The following COL16A1 variants were observed in gnomAD, a reference collection of about 807,000 sequenced individuals.
COL16A1 encodes collagen alpha-1(XVI) chain.
Under a neutral mutation model 266.3 loss-of-function variants are expected in COL16A1, and 189 were observed. That is an observed-to-expected ratio of 0.71 (90% CI 0.63 to 0.80). The LOEUF is 0.80. COL16A1 is among the 30% of genes least tolerant of loss of function. The pLI is 0.00. For missense variants in COL16A1, 1,928 were observed against 2,122.4 expected (o/e 0.91, Z 1.80); for synonymous variants, 740 against 782.3 (o/e 0.95, Z 0.90).
intron 22 of COL16A1, 29 bp from the exon 23 acceptor site, chr1:31,689,880 C>G (rs1644177119): frequency 6.2e-7 from 1 of 1,603,078 alleles, no homozygotes; most frequent in Non-Finnish European, 8.5e-7. Flanking sequence ...AGTATGTGGA[C>G]AGGGTGGGGC....
chr1:31,695,536 G>A (rs1463358520), intron 10 of COL16A1, among the ~76,000 whole-genome samples: 1 of 152,128 alleles, frequency 6.6e-6, no homozygotes, highest in Non-Finnish European at 1.5e-5. Context: ...TCCCCATGAT[G>A]CCCGTGGCCA....
Position 31,667,587 on chromosome 1 carries a change from C to T in COL16A1, c.3345G>A (p.Glu1115=), listed in dbSNP as rs1642245797. The change falls in exon 52 of 71, where the codon GAG becomes GAA. Residue 1115 remains glutamate, a synonymous_variant. Coordinates refer to ENST00000373672, the MANE Select transcript of COL16A1 (RefSeq NM_001856.4). The stretch of plus-strand genomic sequence containing the variant: ...CGCTGGGACTCACCGGCTCTCCTTT[C>T]TCTCCCGCTGACCCGGTGTAGCCAC... ...GERGYTGSAG[E]KGEPGPPGSE... is the part of the protein sequence containing the mutation. 3 of 1,600,784 alleles carry T rather than the reference C, an allele frequency of 1.9e-6. No homozygotes were observed. Among genetic ancestry groups the T allele is most frequent in the Non-Finnish European group, 2.6e-6 (3 of 1,174,492 alleles).
chr1:31,700,079 T>C lies in COL16A1; in HGVS notation c.110A>G (p.Lys37Arg). The C allele has an allele frequency of 6.2e-7, 1 of 1,614,118 alleles. No individual in the cohort carries two copies. Among genetic ancestry groups the C allele is most frequent in the Non-Finnish European group, 8.5e-7 (1 of 1,180,014 alleles). The change falls in exon 3 of 71, where the codon AAA becomes AGA. Residue 37 changes from lysine (K) to arginine (R), a missense_variant. By Grantham distance (26) the Lys-to-Arg change is conservative. Coordinates refer to ENST00000373672, the MANE Select transcript of COL16A1 (RefSeq NM_001856.4). ...TGGCAGGCTACTACTGTGTTCCAAT[T>C]TGAGTCCTTCCTGCTGTGAAGGTGG... ...QCPPSQQEGL[K>R]LEHSSSLPAN...
intron 1 of COL16A1, among the ~76,000 whole-genome samples, chr1:31,703,153 A>G (rs1219748975): frequency 6.6e-6 from 1 of 152,172 alleles, no homozygotes; most frequent in Non-Finnish European, 1.5e-5. Context: ...GCTCGCTGAT[A>G]TACCCAGACA....
chr1:31,661,709 G>C lies in COL16A1; in HGVS notation c.3682-5C>G. The stretch of plus-strand genomic sequence containing the variant: ...GCCAGCAGGACCAGGGTCCCCCTAG[G>C]GAAAGAGACGAGGAGGATTGAGACA... On this transcript the variant is annotated splice_polypyrimidine_tract_variant and splice_region_variant and intron_variant, in intron 58 of 70. Coordinates refer to ENST00000373672, the MANE Select transcript of COL16A1 (RefSeq NM_001856.4). 1 of 1,595,746 alleles carries C rather than the reference G, an allele frequency of 6.3e-7. No individual in the cohort carries two copies. Among genetic ancestry groups the C allele is most frequent in the African/African-American group, 1.4e-5 (1 of 73,410 alleles).
At chr1:31,683,620 A>G in intron 34 of COL16A1, 87 bp downstream of exon 34, 1 of 1,610,388 alleles carries the variant, frequency 6.2e-7, no homozygotes, top group Admixed American at 1.7e-5. Flanking sequence ...GGGCAGGCAG[A>G]GCCCTGAAGT....
rs115434089 is a variant in COL16A1, at chr1:31,659,150, G to A, written c.3880-186C>T. 1.6e-3 allele frequency among the ~76,000 whole-genome samples: 240 copies of A among 152,344 alleles called. 2 individuals carry two copies. The highest frequency in any genetic ancestry group is 5.5e-3 in the African/African-American group (230 of 41,576). ...TTGCGCCCAGAGCTGAGGCCTGGGGGTCCTGGGCACACAGGACCCTCCCTC... is the reference window on the plus strand; with the variant it reads ...TTGCGCCCAGAGCTGAGGCCTGGGGATCCTGGGCACACAGGACCCTCCCTC... On this transcript the variant is annotated intron_variant, in intron 62 of 70. Transcript: ENST00000373672.
chr1:31,654,417 A>G (rs1170862399), intron 68 of COL16A1, among the ~76,000 whole-genome samples: 1 of 152,144 alleles, frequency 6.6e-6, no homozygotes, highest in African/African-American at 2.4e-5. Flanking sequence ...CTGGCACATC[A>G]ATGTTGGATG....
chr1:31,691,232 G>T lies in COL16A1; in HGVS notation c.1399-6C>A. The T allele has an allele frequency of 6.2e-7, 1 of 1,613,910 alleles. No individual in the cohort carries two copies. Among genetic ancestry groups the T allele is most frequent in the South Asian group, 1.1e-5 (1 of 91,044 alleles). On this transcript the variant is annotated splice_polypyrimidine_tract_variant and splice_region_variant and intron_variant, in intron 19 of 70. Coordinates refer to ENST00000373672, the MANE Select transcript of COL16A1 (RefSeq NM_001856.4). Reference sequence around the variant, plus strand: ...GGTGGGCCACCTGGATCCCCCTGAGGGCAGAAACAGAGTCACGTGGAAGTT... The same window carrying T: ...GGTGGGCCACCTGGATCCCCCTGAGTGCAGAAACAGAGTCACGTGGAAGTT...
intron 42 of COL16A1, among the ~76,000 whole-genome samples, chr1:31,678,995 C>T (rs1367019680): frequency 6.6e-6 from 1 of 152,214 alleles, no homozygotes; most frequent in African/African-American, 2.4e-5. Context: ...TTTTCTCTGC[C>T]ACAAAGGCTA....
At chr1:31,689,272 G>A (rs376511262) in intron 23 of COL16A1, 187 bp from the exon 24 acceptor site, 41 of 953,634 alleles carry the variant, frequency 4.3e-5, no homozygotes, top group African/African-American at 3.0e-4. Context: ...GGAGCGTGGC[G>A]GGGGGAATGA....
At position 31,673,560 on chromosome 1, in the gene COL16A1, C is replaced by A. The variant is rs534633250; in HGVS notation, c.2860-720G>T. On this transcript the variant is annotated intron_variant, in intron 44 of 70. Coordinates refer to ENST00000373672, the MANE Select transcript of COL16A1 (RefSeq NM_001856.4). ...CTCACTTTCACTGCTCACCACCAAG[C>A]CCAGTAATAACGACTGGCATTTACT... Among the ~76,000 whole-genome samples the A allele has an allele frequency of 2.0e-5, 3 of 152,370 alleles. No individual in the cohort carries two copies. In the East Asian group the frequency reaches 5.8e-4, roughly 29 times the overall value.
rs1289963211 is a variant in COL16A1 at position 31,701,664 on chromosome 1, G to A, written c.73+457C>T. 53 of 721,124 alleles carry A rather than the reference G, an allele frequency of 7.3e-5. 1 individual carries two copies. In the South Asian group the frequency reaches 2.9e-3, roughly 40 times the overall value. The allele number at this position is 721,124 out of a possible 1,614,324, so 44.7% of individuals were successfully genotyped here. On this transcript the variant is annotated intron_variant, in intron 2 of 70. Transcript: ENST00000373672. ...GAGGAGGAGAAGCACGTGAGCTAGA[G>A]GGATGGAGTCTCCACCATGAAAAGG... is the stretch of plus-strand genomic sequence containing the variant.
chr1:31,662,884 A>C, intron 56 of COL16A1: 4 of 581,744 alleles, frequency 6.9e-6, no homozygotes, highest in South Asian at 2.0e-5. Flanking sequence ...TTGCTGCCCC[A>C]TGAGGAAGGG....
In COL16A1 at chr1:31,670,617, G is replaced by C; in HGVS notation, c.3180C>G (p.Gly1060=). 1 of 1,417,500 alleles carries C rather than the reference G, an allele frequency of 7.1e-7. No homozygotes were observed. The highest frequency in any genetic ancestry group is 1.6e-5 in the South Asian group (1 of 62,382). The allele number at this position is 1,417,500 out of a possible 1,614,324, so 87.8% of individuals were successfully genotyped here. ...AGGTTCTTACAGGCAATCCGGGGGA[G>C]CCAACAGCACCAGGAAAACCTGGGG... ...IGPPGFPGAV[G]SPGLPGLQGE... is the part of the protein sequence containing the mutation. Residue 1060 remains glycine, a synonymous_variant, in exon 49 of 71, where the codon GGC becomes GGG. Coordinates refer to ENST00000373672, the MANE Select transcript of COL16A1 (RefSeq NM_001856.4). This position sits in a 1 kb window ranked among gnomAD's most constrained non-coding sequence, Gnocchi z 4.5.
chr1:31,682,787 T>A lies in COL16A1; in HGVS notation c.2538+147A>T, dbSNP rs190095205. On this transcript the variant is annotated intron_variant, in intron 37 of 70. Transcript: ENST00000373672. Reference sequence around the variant, plus strand: ...CAAGCATTCCCCTAAAAGAGTGAGGTTTTCCTTGTCTGAGGCTGGGCTGAG... The same window carrying A: ...CAAGCATTCCCCTAAAAGAGTGAGGATTTCCTTGTCTGAGGCTGGGCTGAG... 3.7e-4 allele frequency: 356 copies of A among 953,916 alleles called. 2 individuals are homozygous for A. The African/African-American group carries it at 5.0e-3, about 13-fold the overall frequency. The allele number at this position is 953,916 out of a possible 1,614,324, so 59.1% of individuals were successfully genotyped here. A position where few individuals can be genotyped will look rare whatever the true frequency, so the allele number is the denominator to read the frequency against.
chr1:31,680,015 G>A (rs1206180492), intron 40 of COL16A1, 27 bp downstream of exon 40: 2 of 1,612,796 alleles, frequency 1.2e-6, no homozygotes. Context: ...CCCCCAGTTG[G>A]GGGAAGGCTC....
At chr1:31,684,679 A>G (rs758258399) in intron 30 of COL16A1, 49 bp from the exon 31 acceptor site, 5 of 1,608,052 alleles carry the variant, frequency 3.1e-6, no homozygotes, top group Non-Finnish European at 2.6e-6. Context: ...AGCCGGGGGC[A>G]GGTTGCCCCC....
At position 31,689,042 on chromosome 1, in the gene COL16A1, T is replaced by C. The variant is rs750658581; in HGVS notation, c.1656+8A>G. The C allele has an allele frequency of 2.5e-6, 4 of 1,613,828 alleles. No individual in the cohort carries two copies. The highest frequency in any genetic ancestry group is 3.4e-6 in the Non-Finnish European group (4 of 1,179,960). On this transcript the variant is annotated splice_region_variant and intron_variant, in intron 24 of 70. Transcript: ENST00000373672. ...AGGAGGGCAGCCAGGAGAGCAGGGTTCCCTCACCTTCTCTCCTTTGATGCC... is the reference window on the plus strand; with the variant it reads ...AGGAGGGCAGCCAGGAGAGCAGGGTCCCCTCACCTTCTCTCCTTTGATGCC...
Sources: gnomAD v4.1 joint callset for allele counts (sites outside exome capture counted in the v4.1 genomes callset) on GRCh38, gnomAD v4.1.1 for gene constraint, Gnocchi (gnomAD v3.1) non-coding constraint, MANE v1.5 for transcripts, NCBI Gene and HGNC (gene_info 2026-07-23, HGNC 2026-07-21) for gene names.